Variants in BEND5 observed in about 807,000 individuals in gnomAD.
The protein encoded by BEND5 is BEN domain-containing protein 5.
Under a neutral mutation model 43.9 loss-of-function variants are expected in BEND5, and 22 were observed. The observed-to-expected ratio is 0.50, with a 90% CI of 0.36 to 0.72. The LOEUF (loss-of-function observed/expected upper bound fraction) is 0.72. BEND5 is among the 30% of genes least tolerant of loss of function. The pLI, the probability that BEND5 is intolerant of heterozygous loss-of-function variation, is 0.00. For missense variants in BEND5, 428 were observed against 550.6 expected (o/e 0.78, Z 2.23); for synonymous variants, 228 against 225.9 (o/e 1.01, Z -0.08).
chr1:48,764,239 T>C (rs1374981867), intron 1 of BEND5, among the ~76,000 whole-genome samples: 1 of 152,226 alleles, frequency 6.6e-6, no homozygotes, highest in Non-Finnish European at 1.5e-5. Context: ...TGAGCTAGAC[T>C]CCTTACTTGC....
intron 1 of BEND5, among the ~76,000 whole-genome samples, chr1:48,773,649 T>C (rs1267054810): frequency 6.6e-6 from 1 of 152,168 alleles, no homozygotes; most frequent in Non-Finnish European, 1.5e-5. Context: ...TCCTTCCAAA[T>C]CATGCTGTGT....
intron 1 of BEND5, among the ~76,000 whole-genome samples, chr1:48,764,048 G>A (rs909482980): frequency 2.0e-5 from 3 of 152,226 alleles, no homozygotes; most frequent in Admixed American, 1.3e-4. Flanking sequence ...AAACTGGCCC[G>A]GGGGACACAG....
At chr1:48,739,193 A>G (rs538982866) in intron 4 of BEND5, among the ~76,000 whole-genome samples, 1 of 152,306 alleles carries the variant, frequency 6.6e-6, no homozygotes, top group Non-Finnish European at 1.5e-5. Flanking sequence ...AACCAGGAAA[A>G]CAGCCACCGA....
intron 5 of BEND5, among the ~76,000 whole-genome samples, chr1:48,735,928 C>G (rs1648968928): frequency 6.6e-6 from 1 of 152,162 alleles, no homozygotes; most frequent in African/African-American, 2.4e-5. Flanking sequence ...CCCCCGTCCC[C>G]AGGAATTCTT....
intron 3 of BEND5, among the ~76,000 whole-genome samples, chr1:48,755,855 T>C (rs1324806772): frequency 2.6e-5 from 4 of 152,214 alleles, no homozygotes; most frequent in Non-Finnish European, 5.9e-5. Flanking sequence ...CAGAAAGCAT[T>C]TGGTCAATGT....
chr1:48,731,072 G>GC (rs1648049893), intron 5 of BEND5, among the ~76,000 whole-genome samples: 1 of 152,090 alleles, frequency 6.6e-6, no homozygotes, highest in Non-Finnish European at 1.5e-5. Context: ...TGAGCATAAA[G>GC]GCTTTTCTAT....
chr1:48,755,455 G>A (rs1050718182), intron 3 of BEND5, among the ~76,000 whole-genome samples: 1 of 152,156 alleles, frequency 6.6e-6, no homozygotes. Flanking sequence ...CCTAGCTGAG[G>A]TGGACAAAAA....
intron 3 of BEND5, among the ~76,000 whole-genome samples, chr1:48,744,145 C>T (rs1044117053): frequency 2.0e-5 from 3 of 152,174 alleles, no homozygotes; most frequent in African/African-American, 7.2e-5. Context: ...ATAGCATCAT[C>T]ATCGTTCTGA....
intron 1 of BEND5, among the ~76,000 whole-genome samples, chr1:48,763,877 T>C (rs1644400720): frequency 6.6e-6 from 1 of 152,194 alleles, no homozygotes; most frequent in African/African-American, 2.4e-5. Flanking sequence ...AGGGGCAGGA[T>C]GAACAGGGTC....
chr1:48,758,960 T>G lies in BEND5; in HGVS notation c.685A>C (p.Lys229Gln), dbSNP rs1352792556. 6.2e-7 allele frequency: 1 copy of G among 1,603,678 alleles called. No homozygotes were observed. The highest frequency in any genetic ancestry group is 1.7e-5 in the Admixed American group (1 of 58,090). ...KEYGALVSEM[K>Q]ELRDLNRRLQ... Reference sequence around the variant, plus strand: ...CTCCGGTTAAGGTCACGGAGCTCCTTCATTTCAGACACAAGTGCCCCGTAC... The same window carrying G: ...CTCCGGTTAAGGTCACGGAGCTCCTGCATTTCAGACACAAGTGCCCCGTAC... The change falls in exon 3 of 6, where the codon AAG becomes CAG. Residue 229 changes from lysine (K) to glutamine (Q), a missense_variant. Transcript: ENST00000371833.
rs529280762 is a variant in BEND5, at chr1:48,745,604, T to C, written c.746-2833A>G. On this transcript the variant is annotated intron_variant, in intron 3 of 5. Transcript: ENST00000371833. ...CTCTTTGCTTATGCCATTCCTTTTG[T>C]CCAGAACATTCTACCCCTAGAGATG... 7.2e-5 allele frequency among the ~76,000 whole-genome samples: 11 copies of C among 152,250 alleles called. No individual in the cohort carries two copies. In the South Asian group the frequency reaches 2.3e-3, roughly 32 times the overall value.
intron 4 of BEND5, among the ~76,000 whole-genome samples, chr1:48,742,039 T>C (rs865852921): frequency 1.3e-5 from 2 of 152,246 alleles, no homozygotes; most frequent in Non-Finnish European, 2.9e-5. Context: ...TTCAAGGTCA[T>C]ATAAATAACG....
chr1:48,758,740 TG>T (rs992531224), intron 3 of BEND5, among the ~76,000 whole-genome samples, 159 bp downstream of exon 3: 1 of 152,136 alleles, frequency 6.6e-6, no homozygotes, highest in Non-Finnish European at 1.5e-5. Context: ...TCACTATGAG[TG>T]GGGAGTGACT....
rs766306124 is a variant in BEND5, at chr1:48,742,731, G to A, written c.786C>T (p.Leu262=). ...IDLEKVKSEC[L]EPEPELRSTF... ...TGCTCCGTAACTCCGGCTCGGGCTC[G>A]AGACATTCTGACTTTACTTTTTCCA... Residue 262 remains leucine, a synonymous_variant, in exon 4 of 6, where the codon CTC becomes CTT. Coordinates refer to ENST00000371833, the MANE Select transcript of BEND5 (RefSeq NM_024603.4). The A allele has an allele frequency of 2.5e-6, 4 of 1,608,008 alleles. No homozygotes were observed. The highest frequency in any genetic ancestry group is 3.4e-6 in the Non-Finnish European group (4 of 1,176,914).
intron 5 of BEND5, among the ~76,000 whole-genome samples, chr1:48,732,633 G>C (rs72904824): frequency 0.021 from 3,226 of 152,200 alleles, 124 homozygotes; most frequent in African/African-American, 0.074. Flanking sequence ...AGTAGCAACA[G>C]AAAGGACCTG....
At chr1:48,765,667 A>C (rs1324208326) in intron 1 of BEND5, among the ~76,000 whole-genome samples, 1 of 152,214 alleles carries the variant, frequency 6.6e-6, no homozygotes, top group African/African-American at 2.4e-5. Context: ...AAAAAACCCA[A>C]CTGTCCATCA....
intron 5 of BEND5, among the ~76,000 whole-genome samples, chr1:48,730,503 CAGA>C (rs772997447): frequency 6.6e-6 from 1 of 152,112 alleles, no homozygotes; most frequent in Non-Finnish European, 1.5e-5. Flanking sequence ...GCAAAGGAGA[CAGA>C]AGGAGAAGGC....
intron 1 of BEND5, among the ~76,000 whole-genome samples, chr1:48,774,838 C>T (rs1003056069): frequency 1.3e-5 from 2 of 152,168 alleles, no homozygotes; most frequent in African/African-American, 2.4e-5. Flanking sequence ...ATGAATGAAA[C>T]AATCTCCAAG....
chr1:48,771,064 G>A (rs1479350123), intron 1 of BEND5, among the ~76,000 whole-genome samples: 1 of 152,194 alleles, frequency 6.6e-6, no homozygotes, highest in African/African-American at 2.4e-5. Context: ...CTGGAACCAG[G>A]TGAGTATTTA....
Sources: allele counts gnomAD v4.1 joint callset (sites outside exome capture counted in the v4.1 genomes callset), GRCh38; gene constraint gnomAD v4.1.1; transcripts MANE v1.5; gene names NCBI Gene and HGNC (gene_info 2026-07-23, HGNC 2026-07-21).